GPR137B: variants seen among roughly 807,000 people sequenced by gnomAD.
GPR137B encodes G protein-coupled receptor 137B.
In GPR137B, 42 loss-of-function variants were observed where a neutral mutation model predicts 42.5. The observed-to-expected ratio is 0.99, with a 90% CI of 0.77 to 1.28. The LOEUF is 1.28. Ranked by LOEUF, GPR137B falls within the 50% of genes most tolerant of loss-of-function variation. The pLI is 0.00. For missense variants in GPR137B, 487 were observed against 493.9 expected (o/e 0.99, Z 0.13); for synonymous variants, 218 against 209.7 (o/e 1.04, Z -0.34).
intron 5 of GPR137B, among the ~76,000 whole-genome samples, chr1:236,198,451 C>A (rs1031909572): frequency 1.1e-4 from 17 of 152,116 alleles, no homozygotes; most frequent in African/African-American, 4.1e-4. Flanking sequence ...AGTGATCTAC[C>A]TGCCTGGCCT....
At chr1:236,188,488 A>G (rs1050148883) in intron 5 of GPR137B, among the ~76,000 whole-genome samples, 12 of 152,094 alleles carry the variant, frequency 7.9e-5, no homozygotes, top group African/African-American at 2.9e-4. Context: ...TTTGAGATAC[A>G]TTCCATCGAT....
intron 5 of GPR137B, among the ~76,000 whole-genome samples, chr1:236,193,903 G>A (rs1188423430): frequency 2.0e-5 from 3 of 151,988 alleles, no homozygotes; most frequent in East Asian, 3.9e-4. Context: ...TTTGTTGCTC[G>A]TGTTCTGGTG....
intron 5 of GPR137B, among the ~76,000 whole-genome samples, chr1:236,191,992 G>A (rs540100283): frequency 6.6e-6 from 1 of 152,314 alleles, no homozygotes; most frequent in Admixed American, 6.5e-5. Flanking sequence ...TCCCTGACTG[G>A]GGCTGCTGCC....
chr1:236,170,963 G>A (rs1447503487), intron 2 of GPR137B, among the ~76,000 whole-genome samples: 3 of 144,240 alleles, frequency 2.1e-5, no homozygotes, highest in South Asian at 2.2e-4. Flanking sequence ...GCAACACAGC[G>A]ACTCTGTCTC....
In GPR137B at chr1:236,208,480, GC is replaced by G; in HGVS notation, c.*323del. On this transcript the variant is annotated 3_prime_UTR_variant, in exon 7 of 7. Coordinates refer to ENST00000366592, the MANE Select transcript of GPR137B (RefSeq NM_003272.4). The stretch of plus-strand genomic sequence containing the variant: ...GTTTTTTTTTCTTGAGAATGTTACT[GC>G]AATCATGTTGTAGTTTGCACAGACT... The G allele has an allele frequency of 1.1e-6, 1 of 877,568 alleles. No homozygotes were observed. The highest frequency in any genetic ancestry group is 1.4e-6 in the Non-Finnish European group (1 of 712,996). The allele number at this position is 877,568 out of a possible 1,614,324, so 54.4% of individuals were successfully genotyped here.
chr1:236,196,859 A>C (rs1663354190), intron 5 of GPR137B, among the ~76,000 whole-genome samples: 1 of 152,024 alleles, frequency 6.6e-6, no homozygotes, highest in Non-Finnish European at 1.5e-5. Flanking sequence ...TAGTTGGTTG[A>C]TGGGCATTTA....
At chr1:236,147,480 A>G (rs1030482244) in intron 1 of GPR137B, among the ~76,000 whole-genome samples, 4 of 152,130 alleles carry the variant, frequency 2.6e-5, no homozygotes, top group African/African-American at 9.7e-5. Context: ...TTAGAAAGCC[A>G]TGGGATCACT....
chr1:236,208,169 C>T lies in GPR137B; in HGVS notation c.*11C>T. On this transcript the variant is annotated 3_prime_UTR_variant, in exon 7 of 7. Coordinates refer to ENST00000366592, the MANE Select transcript of GPR137B (RefSeq NM_003272.4). ...CCAAGCCTTGGGTAGCATCAGTTAA[C>T]AGTTTTATGGACGATTCCTCAGATG... 6.2e-7 allele frequency: 1 copy of T among 1,613,462 alleles called. No individual in the cohort carries two copies. Among genetic ancestry groups the T allele is most frequent in the South Asian group, 1.1e-5 (1 of 90,952 alleles).
chr1:236,168,801 C>T, intron 2 of GPR137B, 46 bp downstream of exon 2: 4 of 1,303,520 alleles, frequency 3.1e-6, no homozygotes, highest in Non-Finnish European at 4.5e-6. Context: ...GGGGAAAGTG[C>T]CGACACATGA....
chr1:236,188,616 T>G (rs1663102527), intron 5 of GPR137B, among the ~76,000 whole-genome samples: 1 of 152,206 alleles, frequency 6.6e-6, no homozygotes, highest in South Asian at 2.1e-4. Context: ...TGTGATGGAT[T>G]ACGTTTATTG....
intron 2 of GPR137B, among the ~76,000 whole-genome samples, chr1:236,170,461 G>A (rs552410858): frequency 1.3e-5 from 2 of 152,138 alleles, no homozygotes; most frequent in Admixed American, 6.6e-5. Flanking sequence ...TCACCGTCCC[G>A]GGTTTTGTTT....
chr1:236,201,944 T>A (rs922417632), intron 5 of GPR137B, among the ~76,000 whole-genome samples: 5 of 152,026 alleles, frequency 3.3e-5, no homozygotes, highest in Non-Finnish European at 7.3e-5. Flanking sequence ...GGTGGTTCCT[T>A]GATGTGGGTT....
chr1:236,176,185 C>T (rs577535497), intron 2 of GPR137B, among the ~76,000 whole-genome samples: 1 of 152,178 alleles, frequency 6.6e-6, no homozygotes, highest in South Asian at 2.1e-4. Flanking sequence ...GAGTGAGGGG[C>T]CTTGCTCAGC....
At chr1:236,167,471 CAG>C (rs1200445631) in intron 1 of GPR137B, among the ~76,000 whole-genome samples, 3 of 149,540 alleles carry the variant, frequency 2.0e-5, no homozygotes, top group Non-Finnish European at 4.4e-5. Flanking sequence ...CTCATAGAAA[CAG>C]AGAGTACAGT....
intron 1 of GPR137B, among the ~76,000 whole-genome samples, chr1:236,167,476 A>AGGTG (rs112554644): frequency 0.054 from 8,247 of 152,154 alleles, 783 homozygotes; most frequent in African/African-American, 0.19. Context: ...AGAAACAGAG[A>AGGTG]GTACAGTGGT....
intron 5 of GPR137B, among the ~76,000 whole-genome samples, chr1:236,196,910 T>C (rs1663355217): frequency 6.6e-6 from 1 of 152,238 alleles, no homozygotes; most frequent in Non-Finnish European, 1.5e-5. Flanking sequence ...CTGTGGATTG[T>C]GTGGCTATAA....
chr1:236,164,898 GA>G (rs1662305914), intron 1 of GPR137B, among the ~76,000 whole-genome samples: 1 of 117,746 alleles, frequency 8.5e-6, no homozygotes, highest in East Asian at 2.9e-4. Flanking sequence ...GAGAGAGAGA[GA>G]GAGAGAGAGA....
Position 236,171,064 on chromosome 1 carries a change from T to C in GPR137B, c.464+2309T>C, listed in dbSNP as rs1662522638. 6.6e-6 allele frequency among the ~76,000 whole-genome samples: 1 copy of C among 152,228 alleles called. No homozygotes were observed. The highest frequency in any genetic ancestry group is 1.5e-5 in the Non-Finnish European group (1 of 68,022). On this transcript the variant is annotated intron_variant, in intron 2 of 6. Coordinates refer to ENST00000366592, the MANE Select transcript of GPR137B (RefSeq NM_003272.4). The surrounding 1 kb of genome is among the most constrained non-coding windows in gnomAD (Gnocchi z 4.4). ...GACACAAATCTAACACGAAATGTAT[T>C]TATGTTTCAGATACACCTTATACAC...
intron 2 of GPR137B, among the ~76,000 whole-genome samples, chr1:236,176,995 G>A (rs933758917): frequency 6.6e-6 from 1 of 152,142 alleles, no homozygotes; most frequent in Non-Finnish European, 1.5e-5. Context: ...GTGTGTGTGC[G>A]TGTGAGGAGG....
Sources: gnomAD v4.1 joint callset for allele counts (sites outside exome capture counted in the v4.1 genomes callset) on GRCh38, gnomAD v4.1.1 for gene constraint, Gnocchi (gnomAD v3.1) non-coding constraint, MANE v1.5 for transcripts, NCBI Gene and HGNC (gene_info 2026-07-23, HGNC 2026-07-21) for gene names.